Variants in PSMA1 observed in about 807,000 individuals in gnomAD.
PSMA1 encodes proteasome 20S subunit alpha 1.
A neutral mutation model predicts 38.4 loss-of-function variants in PSMA1; 3 were observed. That is an observed-to-expected ratio of 0.08 (90% CI 0.04 to 0.20). The LOEUF (loss-of-function observed/expected upper bound fraction) is 0.20. Among genes scored for constraint, PSMA1 ranks in the 10% least tolerant of loss-of-function variants. PSMA1 has a pLI of 1.00. For synonymous variants in PSMA1, 101 were observed against 107.1 expected, an observed-to-expected ratio of 0.94 and a Z score of 0.35; for missense variants, 227 against 325.3, an observed-to-expected ratio of 0.70 and a Z score of 2.32.
At chr11:14,642,881 G>A (rs1310699909) in intron 1 of PSMA1, among the ~76,000 whole-genome samples, 2 of 152,092 alleles carry the variant, frequency 1.3e-5, no homozygotes, top group African/African-American at 4.8e-5. Context: ...ACTGGGGAGT[G>A]GTCTTGGAGA....
chr11:14,609,583 C>G (rs1453969629), intron 2 of PSMA1, among the ~76,000 whole-genome samples: 1 of 151,992 alleles, frequency 6.6e-6, no homozygotes, highest in East Asian at 1.9e-4. Context: ...TGAATAAAAA[C>G]CTAGAGGATG....
At chr11:14,554,355 T>C (rs1220582379) in intron 2 of PSMA1, among the ~76,000 whole-genome samples, 3 of 152,206 alleles carry the variant, frequency 2.0e-5, no homozygotes, top group Non-Finnish European at 4.4e-5. Context: ...TTAAGGATCA[T>C]TTCTGGGTAT....
chr11:14,642,830 A>C (rs576588420), intron 1 of PSMA1, among the ~76,000 whole-genome samples: 1 of 152,158 alleles, frequency 6.6e-6, no homozygotes, highest in African/African-American at 2.4e-5. Context: ...TACTTCACAG[A>C]TAGCATCTTA....
At chr11:14,636,741 T>C (rs1296422186) in intron 1 of PSMA1, among the ~76,000 whole-genome samples, 2 of 152,234 alleles carry the variant, frequency 1.3e-5, no homozygotes, top group Non-Finnish European at 2.9e-5. Context: ...GGTTTCAAGA[T>C]ATTCTAGTCA....
chr11:14,561,071 C>T (rs1691256977), intron 2 of PSMA1, among the ~76,000 whole-genome samples: 1 of 152,094 alleles, frequency 6.6e-6, no homozygotes, highest in Non-Finnish European at 1.5e-5. Context: ...ACAATGAACA[C>T]ATATCACTTC....
Position 14,505,284 on chromosome 11 carries a change from T to G in PSMA1, c.736-36A>C, listed in dbSNP as rs750142670. ...AAAGAAAAAAAGAAAATATGTAAAA[T>G]GAACACTTGATCAATATACACATCT... On this transcript the variant is annotated intron_variant, in intron 9 of 9. Coordinates refer to ENST00000396394, the MANE Select transcript of PSMA1 (RefSeq NM_002786.4). 5 of 1,543,820 alleles carry G rather than the reference T, an allele frequency of 3.2e-6. No homozygotes were observed. In the South Asian group the frequency reaches 5.6e-5, roughly 17 times the overall value.
At chr11:14,523,466 C>T (rs2134154931), upstream of PSMA1, among the ~76,000 whole-genome samples, 1 of 151,994 alleles carries the variant, frequency 6.6e-6, no homozygotes, top group Admixed American at 6.6e-5. Context: ...AGACAGGGTC[C>T]TACTATGTTG....
At chr11:14,604,317 C>T (rs1162607086) in intron 2 of PSMA1, among the ~76,000 whole-genome samples, 1 of 152,192 alleles carries the variant, frequency 6.6e-6, no homozygotes, top group Non-Finnish European at 1.5e-5. Flanking sequence ...CCACCTCGGC[C>T]TCCCAAAGTG....
intron 2 of PSMA1, 124 bp from the exon 3 acceptor site, chr11:14,518,105 C>CT (rs879358641): frequency 0.047 from 24,454 of 516,756 alleles, no homozygotes; most frequent in Middle Eastern, 0.062. Flanking sequence ...ATCAAGAGAC[C>CT]TTTTTTTTTT....
chr11:14,559,465 C>T (rs1338438227), intron 2 of PSMA1, among the ~76,000 whole-genome samples: 4 of 152,136 alleles, frequency 2.6e-5, no homozygotes, highest in South Asian at 4.2e-4. Flanking sequence ...ACAATGGGTG[C>T]GGGCAGATAA....
chr11:14,583,108 GC>G (rs988289669), intron 2 of PSMA1, among the ~76,000 whole-genome samples: 9 of 152,192 alleles, frequency 5.9e-5, no homozygotes, highest in African/African-American at 2.2e-4. Context: ...GGCCCCAGGA[GC>G]CAAAAGCTGA....
At chr11:14,519,076 A>T in intron 1 of PSMA1, 35 bp from the exon 2 acceptor site, 3 of 1,470,464 alleles carry the variant, frequency 2.0e-6, no homozygotes, top group Non-Finnish European at 2.8e-6. Context: ...TGTTAATAGA[A>T]GAACATTTCA....
intron 2 of PSMA1, among the ~76,000 whole-genome samples, chr11:14,603,308 T>C (rs1852606399): frequency 6.6e-6 from 1 of 152,206 alleles, no homozygotes; most frequent in Non-Finnish European, 1.5e-5. Context: ...AAATTTTAAA[T>C]GAAATTTGGA....
At chr11:14,580,885 T>A (rs1371718915) in intron 2 of PSMA1, among the ~76,000 whole-genome samples, 7 of 152,150 alleles carry the variant, frequency 4.6e-5, no homozygotes, top group African/African-American at 1.7e-4. Flanking sequence ...CATTCTCCCA[T>A]CTTCAGCATG....
At chr11:14,621,138 T>A (rs951466905) in intron 1 of PSMA1, among the ~76,000 whole-genome samples, 1 of 152,222 alleles carries the variant, frequency 6.6e-6, no homozygotes, top group Non-Finnish European at 1.5e-5. Flanking sequence ...ATTTAGGTAA[T>A]GGAAAACACC....
chr11:14,592,587 G>A (rs1351571567), intron 2 of PSMA1, among the ~76,000 whole-genome samples: 3 of 151,934 alleles, frequency 2.0e-5, no homozygotes, highest in South Asian at 2.1e-4. Context: ...GGGTTTCACC[G>A]TGTTAGCCAG....
chr11:14,612,065 G>A (rs1012652624), intron 1 of PSMA1, among the ~76,000 whole-genome samples: 2 of 152,174 alleles, frequency 1.3e-5, no homozygotes, highest in Non-Finnish European at 2.9e-5. Context: ...GGAAGTGCAT[G>A]GTTTTGACTC....
intron 2 of PSMA1, among the ~76,000 whole-genome samples, chr11:14,568,113 T>C (rs1852094252): frequency 6.6e-6 from 1 of 152,228 alleles, no homozygotes; most frequent in African/African-American, 2.4e-5. Context: ...GCTAGGTCAA[T>C]GCTTCAGATT....
chr11:14,598,535 T>A (rs752160877), intron 2 of PSMA1, among the ~76,000 whole-genome samples: 5 of 151,918 alleles, frequency 3.3e-5, no homozygotes, highest in Non-Finnish European at 7.4e-5. Flanking sequence ...TTTGATGGTT[T>A]AAAGTCTGTT....
Sources: gnomAD v4.1 joint callset for allele counts (sites outside exome capture counted in the v4.1 genomes callset) on GRCh38, gnomAD v4.1.1 for gene constraint, MANE v1.5 for transcripts, NCBI Gene and HGNC (gene_info 2026-07-23, HGNC 2026-07-21) for gene names.